The following TPRG1 variants were observed in gnomAD, a reference collection of about 807,000 sequenced individuals.
TPRG1 encodes the protein tumor protein p63-regulated gene 1 protein.
A neutral mutation model predicts 29.3 loss-of-function variants in TPRG1; 29 were observed. The observed-to-expected ratio is 0.99, with a 90% CI of 0.74 to 1.35. The LOEUF is 1.35. Among genes scored for constraint, TPRG1 ranks in the 40% most tolerant of loss-of-function variants. TPRG1 has a pLI of 0.00. For synonymous variants in TPRG1, 130 were observed against 116.8 expected (o/e 1.11, Z -0.73); for missense variants, 327 against 335.0 (o/e 0.98, Z 0.19).
chr3:189,315,508 G>A (rs1233038476), intron 5 of TPRG1: 2 of 456,070 alleles, frequency 4.4e-6, no homozygotes, highest in Non-Finnish European at 8.8e-6. Context: ...AGAGACTACT[G>A]CTGGGAAGGA....
intron 3 of TPRG1, among the ~76,000 whole-genome samples, chr3:189,146,155 C>G (rs1725236922): frequency 6.6e-6 from 1 of 152,254 alleles, no homozygotes; most frequent in East Asian, 1.9e-4. Context: ...AGCTGGTTTT[C>G]CCTGTACTGA....
chr3:189,283,816 G>C (rs1717562705), intron 4 of TPRG1, among the ~76,000 whole-genome samples: 1 of 152,186 alleles, frequency 6.6e-6, no homozygotes, highest in African/African-American at 2.4e-5. Context: ...GACTAAGTTA[G>C]TTACTTGTCT....
intron 3 of TPRG1, among the ~76,000 whole-genome samples, chr3:189,231,458 G>C (rs761615249): frequency 2.0e-5 from 3 of 152,004 alleles, no homozygotes; most frequent in Non-Finnish European, 4.4e-5. Context: ...AATATACAAA[G>C]TGTTTAAGGG....
intron 3 of TPRG1, among the ~76,000 whole-genome samples, chr3:189,238,099 A>T (rs1272427941): frequency 6.6e-6 from 1 of 152,356 alleles, no homozygotes; most frequent in African/African-American, 2.4e-5. Flanking sequence ...CAATTAATTC[A>T]GTAAACACTT....
At chr3:189,035,487 A>G (rs543193123) in intron 4 of TPRG1, among the ~76,000 whole-genome samples, 1 of 152,174 alleles carries the variant, frequency 6.6e-6, no homozygotes, top group East Asian at 1.9e-4. Flanking sequence ...TAAACTGTCA[A>G]TAAACAGGCA....
chr3:189,324,283 A>G lies in TPRG1; in HGVS notation c.*3463A>G, dbSNP rs1724545406. 1 of 152,148 alleles carries G rather than the reference A, an allele frequency of 6.6e-6. No homozygotes were observed. Among genetic ancestry groups the G allele is most frequent in the Non-Finnish European group, 1.5e-5 (1 of 68,028 alleles). The allele number at this position is 152,148 out of a possible 1,614,324, so 9.4% of individuals were successfully genotyped here. A position where few individuals can be genotyped will look rare whatever the true frequency, so the allele number is the denominator to read the frequency against. ...CAGAAAATGAAGCAAAGGCCTAGAA[A>G]CTAGAAAGACATTTCTCAAAAAGAA... On this transcript the variant is annotated 3_prime_UTR_variant, in exon 6 of 6. Coordinates refer to ENST00000345063, the MANE Select transcript of TPRG1 (RefSeq NM_198485.4).
chr3:189,056,079 TC>T (rs1715670918), intron 4 of TPRG1, among the ~76,000 whole-genome samples: 1 of 134,958 alleles, frequency 7.4e-6, no homozygotes, highest in Non-Finnish European at 1.6e-5. Flanking sequence ...CTTCCTTCCT[TC>T]CTTCCTTCCT....
chr3:189,054,820 A>G, intron 4 of TPRG1, among the ~76,000 whole-genome samples: 1 of 152,290 alleles, frequency 6.6e-6, no homozygotes, highest in East Asian at 1.9e-4. Flanking sequence ...ACCATAACAG[A>G]TAGGATAATA....
chr3:189,244,710 A>C lies in TPRG1; in HGVS notation c.479+5801A>C, dbSNP rs1030633495. 4.6e-5 allele frequency among the ~76,000 whole-genome samples: 7 copies of C among 152,226 alleles called. No homozygotes were observed. The East Asian group carries it at 7.7e-4, about 17-fold the overall frequency. Reference sequence around the variant, plus strand: ...CCCCATGATCCAATCATCTTCCATCAGGCCCCACCTCCAACACTGGGGATT... The same window carrying C: ...CCCCATGATCCAATCATCTTCCATCCGGCCCCACCTCCAACACTGGGGATT... On this transcript the variant is annotated intron_variant, in intron 4 of 5. Coordinates refer to ENST00000345063, the MANE Select transcript of TPRG1 (RefSeq NM_198485.4).
At chr3:189,117,123 G>A (rs1489934023) in intron 1 of TPRG1, among the ~76,000 whole-genome samples, 2 of 152,154 alleles carry the variant, frequency 1.3e-5, no homozygotes, top group African/African-American at 2.4e-5. Flanking sequence ...GAGCCAAAGT[G>A]TCATGCAAAT....
intron 5 of TPRG1, chr3:189,315,696 C>G (rs1723403536): frequency 7.0e-6 from 2 of 286,336 alleles, no homozygotes; most frequent in African/African-American, 4.5e-5. Context: ...TACTCTTAGC[C>G]CTTTGTTTGC....
chr3:189,088,217 A>G (rs552460316), intron 4 of TPRG1, among the ~76,000 whole-genome samples: 6 of 152,274 alleles, frequency 3.9e-5, no homozygotes, highest in Non-Finnish European at 7.4e-5. Flanking sequence ...GAGGTCCTTC[A>G]CATCCCTTGT....
At chr3:189,110,567 A>T (rs1720389204) in intron 1 of TPRG1, among the ~76,000 whole-genome samples, 1 of 152,050 alleles carries the variant, frequency 6.6e-6, no homozygotes, top group African/African-American at 2.4e-5. Flanking sequence ...GTAAAAAAAA[A>T]TTTGGCTTAG....
chr3:189,120,437 G>C (rs900113675), intron 1 of TPRG1: 14 of 152,122 alleles, frequency 9.2e-5, no homozygotes, highest in African/African-American at 3.4e-4. Context: ...TTCATTCTCA[G>C]TAAGTTCCAA....
intron 4 of TPRG1, among the ~76,000 whole-genome samples, chr3:189,033,061 C>T (rs1055940545): frequency 6.6e-6 from 1 of 152,048 alleles, no homozygotes; most frequent in African/African-American, 2.4e-5. Flanking sequence ...AAGATAATGT[C>T]TCTTTAGGAA....
chr3:189,137,613 C>A (rs1405589030), intron 3 of TPRG1, among the ~76,000 whole-genome samples: 1 of 151,886 alleles, frequency 6.6e-6, no homozygotes, highest in Non-Finnish European at 1.5e-5. Flanking sequence ...TGCCTCTGGC[C>A]ATTAGAAGGA....
At position 189,223,946 on chromosome 3, in the gene TPRG1, C is replaced by G. The variant is rs75040049; in HGVS notation, c.302+8563C>G. Among the ~76,000 whole-genome samples, 1,380 of 152,222 alleles carry G rather than the reference C, an allele frequency of 9.1e-3. 20 individuals are homozygous for G. Among genetic ancestry groups the G allele is most frequent in the African/African-American group, 0.032 (1,329 of 41,516 alleles). ...CTGAGTTCCCTCTGTAAACCCAACT[C>G]TGCCCTAAGTGATGAAAGTACAGGG... On this transcript the variant is annotated intron_variant, in intron 3 of 5. Transcript: ENST00000345063.
intron 5 of TPRG1, among the ~76,000 whole-genome samples, chr3:189,161,326 C>CT (rs1376224152): frequency 6.6e-6 from 1 of 152,182 alleles, no homozygotes; most frequent in Non-Finnish European, 1.5e-5. Context: ...TCTTTGCGGC[C>CT]TTGGGGCAAG....
chr3:189,031,088 C>T (rs1713908318), intron 4 of TPRG1, among the ~76,000 whole-genome samples: 1 of 152,234 alleles, frequency 6.6e-6, no homozygotes, highest in East Asian at 1.9e-4. Context: ...AGAGACCAGC[C>T]TGGCCAACAT....
Sources: gnomAD v4.1 joint callset for allele counts (sites outside exome capture counted in the v4.1 genomes callset) on GRCh38, gnomAD v4.1.1 for gene constraint, MANE v1.5 for transcripts, NCBI Gene and HGNC (gene_info 2026-07-23, HGNC 2026-07-21) for gene names.